HNF4G: variants seen among roughly 807,000 people sequenced by gnomAD.
HNF4G encodes the protein hepatocyte nuclear factor 4 gamma.
In HNF4G, 21 loss-of-function variants were observed where a neutral mutation model predicts 50.9. The ratio of observed to expected loss-of-function variants is 0.41; its 90% CI spans 0.29 to 0.59. The LOEUF (loss-of-function observed/expected upper bound fraction) is 0.59. Ranked by LOEUF, HNF4G falls within the 20% of genes least tolerant of loss-of-function variation. The probability of loss-of-function intolerance (pLI) is 0.26; values close to 1 mark genes in which losing one functional copy is unlikely to be tolerated. For synonymous variants in HNF4G, 198 were observed against 185.6 expected, an observed-to-expected ratio of 1.07 and a Z score of -0.54; for missense variants, 527 against 559.4, an observed-to-expected ratio of 0.94 and a Z score of 0.58.
chr8:75,527,977 TG>T (rs1806226984), intron 2 of HNF4G, among the ~76,000 whole-genome samples: 1 of 152,242 alleles, frequency 6.6e-6, no homozygotes. Context: ...TTCAATTTTT[TG>T]TCTTTCTGAA....
intron 1 of HNF4G, among the ~76,000 whole-genome samples, chr8:75,433,019 G>T (rs955681321): frequency 6.6e-6 from 1 of 152,124 alleles, no homozygotes; most frequent in Non-Finnish European, 1.5e-5. Context: ...TCGGATGTCT[G>T]TACTCCTGCT....
intron 1 of HNF4G, among the ~76,000 whole-genome samples, chr8:75,426,999 T>C (rs1810907022): frequency 6.6e-6 from 1 of 152,192 alleles, no homozygotes; most frequent in Admixed American, 6.5e-5. Flanking sequence ...TTCTTTTTGG[T>C]ATTGTTTTTT....
intron 2 of HNF4G, among the ~76,000 whole-genome samples, chr8:75,519,551 C>T (rs1585916689): frequency 6.6e-6 from 1 of 152,270 alleles, no homozygotes; most frequent in Middle Eastern, 3.4e-3. Context: ...CTGAGGAGGC[C>T]TCACATTCAT....
At chr8:75,557,779 A>T (rs1377537140) in intron 6 of HNF4G, among the ~76,000 whole-genome samples, 1 of 152,204 alleles carries the variant, frequency 6.6e-6, no homozygotes, top group Non-Finnish European at 1.5e-5. Context: ...AGAATTTAGA[A>T]TATTTGTCTT....
At chr8:75,409,642 C>T (rs1472228932) in intron 1 of HNF4G, among the ~76,000 whole-genome samples, 1 of 151,782 alleles carries the variant, frequency 6.6e-6, no homozygotes, top group African/African-American at 2.4e-5. Context: ...GCGCCCACCA[C>T]CACACCCGGC....
At chr8:75,502,676 A>T in intron 2 of HNF4G, among the ~76,000 whole-genome samples, 1 of 152,180 alleles carries the variant, frequency 6.6e-6, no homozygotes, top group East Asian at 1.9e-4. Context: ...TTGTGGAAAA[A>T]CAGGCATTCT....
chr8:75,452,458 G>A (rs941498156), intron 1 of HNF4G, among the ~76,000 whole-genome samples: 4 of 152,116 alleles, frequency 2.6e-5, no homozygotes, highest in African/African-American at 7.2e-5. Context: ...GTTGGCTCAC[G>A]CCTGTAATCA....
chr8:75,503,444 C>G (rs773499390), intron 2 of HNF4G, among the ~76,000 whole-genome samples: 1 of 152,132 alleles, frequency 6.6e-6, no homozygotes, highest in African/African-American at 2.4e-5. Context: ...GTTGGGTGTA[C>G]AGTGTCTCTG....
chr8:75,461,307 A>G (rs1205361645), intron 1 of HNF4G, among the ~76,000 whole-genome samples: 1 of 151,960 alleles, frequency 6.6e-6, no homozygotes, highest in African/African-American at 2.4e-5. Flanking sequence ...GTCTTCCTCC[A>G]TTTTTTGGCT....
At chr8:75,512,450 C>CTAGTATTAT (rs1554576656) in intron 2 of HNF4G, among the ~76,000 whole-genome samples, 2 of 146,888 alleles carry the variant, frequency 1.4e-5, no homozygotes, top group African/African-American at 5.0e-5. Context: ...ATTACTATTA[C>CTAGTATTAT]TATTATTATT....
intron 1 of HNF4G, among the ~76,000 whole-genome samples, chr8:75,443,567 C>A (rs1811341656): frequency 2.6e-5 from 4 of 152,104 alleles, no homozygotes; most frequent in African/African-American, 9.7e-5. Context: ...CACTATGTTG[C>A]CCAGGCTGGT....
intron 1 of HNF4G, among the ~76,000 whole-genome samples, chr8:75,476,551 C>A (rs1361682406): frequency 1.3e-5 from 2 of 152,208 alleles, no homozygotes; most frequent in African/African-American, 2.4e-5. Context: ...GCAAAATTAA[C>A]CCCGTTATGT....
intron 1 of HNF4G, among the ~76,000 whole-genome samples, chr8:75,447,074 C>G (rs1367825603): frequency 1.5e-5 from 2 of 135,328 alleles, no homozygotes; most frequent in East Asian, 4.4e-4. Context: ...GTACTGGTAC[C>G]AAAACAGAGA....
At chr8:75,431,901 G>A (rs1811025472) in intron 1 of HNF4G, among the ~76,000 whole-genome samples, 1 of 151,654 alleles carries the variant, frequency 6.6e-6, no homozygotes, top group African/African-American at 2.4e-5. Context: ...ACTCCAGCCT[G>A]GGCAACAAGA....
chr8:75,448,703 A>T (rs1003828824), intron 1 of HNF4G, among the ~76,000 whole-genome samples: 1 of 151,950 alleles, frequency 6.6e-6, no homozygotes, highest in Non-Finnish European at 1.5e-5. Context: ...TTTTTAAAAA[A>T]CACCTAAAAG....
intron 6 of HNF4G, among the ~76,000 whole-genome samples, chr8:75,556,465 T>C (rs552543459): frequency 5.3e-5 from 8 of 152,312 alleles, no homozygotes; most frequent in African/African-American, 1.7e-4. Context: ...GTTTACGTCC[T>C]ATGATCTTAT....
rs545553909 is a variant in HNF4G, at chr8:75,493,591, CT to C, written c.-24+3384del. Among the ~76,000 whole-genome samples the C allele has an allele frequency of 1.3e-4, 20 of 151,946 alleles. No individual in the cohort carries two copies. In the South Asian group the frequency reaches 4.2e-3, roughly 32 times the overall value. On this transcript the variant is annotated intron_variant, in intron 2 of 10. Transcript: ENST00000354370. Reference sequence around the variant, plus strand: ...ATGTTAAGTTTAGTATGAAAATTTTCTATATATTTGTTTACTAATTGCATTT... The same window carrying C: ...ATGTTAAGTTTAGTATGAAAATTTTCATATATTTGTTTACTAATTGCATTT...
chr8:75,549,992 C>G (rs1218720736), intron 3 of HNF4G, among the ~76,000 whole-genome samples: 1 of 152,048 alleles, frequency 6.6e-6, no homozygotes, highest in African/African-American at 2.4e-5. Context: ...GCCACATTTA[C>G]TATGACAAAC....
chr8:75,453,741 C>A (rs975664908), intron 1 of HNF4G, among the ~76,000 whole-genome samples: 1 of 152,160 alleles, frequency 6.6e-6, no homozygotes, highest in East Asian at 1.9e-4. Context: ...AGACCTTGAT[C>A]TGTCTTCTTC....
Sources: gnomAD v4.1 joint callset for allele counts (sites outside exome capture counted in the v4.1 genomes callset) on GRCh38, gnomAD v4.1.1 for gene constraint, MANE v1.5 for transcripts, NCBI Gene and HGNC (gene_info 2026-07-23, HGNC 2026-07-21) for gene names.